The following NAALADL2 variants were observed in gnomAD, a reference collection of about 807,000 sequenced individuals.
The protein encoded by NAALADL2 is N-acetylated alpha-linked acidic dipeptidase like 2.
In NAALADL2, 76 loss-of-function variants were observed where a neutral mutation model predicts 87.2. The observed-to-expected ratio is 0.87, with a 90% CI of 0.72 to 1.05. NAALADL2 has a LOEUF of 1.05. Among genes scored for constraint, NAALADL2 ranks in the 50% least tolerant of loss-of-function variants. The pLI is 0.00. For synonymous variants in NAALADL2, 354 were observed against 331.0 expected (o/e 1.07, Z -0.75); for missense variants, 1,089 against 945.8 (o/e 1.15, Z -1.99).
chr3:175,386,914 C>T (rs992444230), intron 5 of NAALADL2, among the ~76,000 whole-genome samples: 2 of 151,962 alleles, frequency 1.3e-5, no homozygotes, highest in African/African-American at 4.8e-5. Context: ...ATGATGCTGA[C>T]AATTTGGATA....
chr3:175,033,617 A>T (rs1753040275), intron 1 of NAALADL2, among the ~76,000 whole-genome samples: 2 of 152,134 alleles, frequency 1.3e-5, no homozygotes. Flanking sequence ...AACATTTGAC[A>T]CAGGTGGTCT....
chr3:175,331,778 A>G (rs1160857854), intron 5 of NAALADL2, among the ~76,000 whole-genome samples: 1 of 152,154 alleles, frequency 6.6e-6, no homozygotes, highest in African/African-American at 2.4e-5. Flanking sequence ...GAAAGAAATA[A>G]AAAGACATCC....
chr3:175,004,669 C>T (rs1002172170), intron 1 of NAALADL2, among the ~76,000 whole-genome samples: 7 of 152,134 alleles, frequency 4.6e-5, no homozygotes, highest in African/African-American at 7.2e-5. Context: ...AAGTTGTCCA[C>T]GTAAGTGGCT....
chr3:174,908,664 TA>T (rs1255123483), intron 1 of NAALADL2, among the ~76,000 whole-genome samples: 6 of 152,226 alleles, frequency 3.9e-5, no homozygotes, highest in African/African-American at 1.2e-4. Flanking sequence ...GATCTGAAGT[TA>T]ATTTAATAAA....
chr3:175,617,956 C>T (rs2149690126), intron 10 of NAALADL2, among the ~76,000 whole-genome samples: 1 of 152,224 alleles, frequency 6.6e-6, no homozygotes, highest in Middle Eastern at 3.4e-3. Context: ...TCATCGGGGT[C>T]CCATGTAGGG....
chr3:175,482,090 T>G (rs1726563862), intron 9 of NAALADL2, among the ~76,000 whole-genome samples: 1 of 151,948 alleles, frequency 6.6e-6, no homozygotes, highest in Non-Finnish European at 1.5e-5. Context: ...AGTTATTCAC[T>G]TTTCAATAAG....
At chr3:175,722,940 T>C (rs910862066) in intron 11 of NAALADL2, among the ~76,000 whole-genome samples, 3 of 152,096 alleles carry the variant, frequency 2.0e-5, no homozygotes, top group Non-Finnish European at 1.5e-5. Flanking sequence ...CAGTGTAGTG[T>C]TTCTAATTTT....
At chr3:175,591,767 G>GGTGT (rs1277057893) in intron 10 of NAALADL2, among the ~76,000 whole-genome samples, 3,667 of 43,740 alleles carry the variant, frequency 0.084, 111 homozygotes, top group Admixed American at 0.11. Flanking sequence ...ATGCGCATGT[G>GGTGT]GTGTGTGTGT....
intron 5 of NAALADL2, among the ~76,000 whole-genome samples, chr3:175,367,056 C>G (rs1488350434): frequency 1.3e-5 from 2 of 151,130 alleles, no homozygotes; most frequent in Non-Finnish European, 3.0e-5. Flanking sequence ...AGGAAGGGAT[C>G]CAGTTTCAGC....
At chr3:174,492,742 G>T (rs1364109765) in intron 1 of NAALADL2, among the ~76,000 whole-genome samples, 1 of 152,192 alleles carries the variant, frequency 6.6e-6, no homozygotes, top group Non-Finnish European at 1.5e-5. Flanking sequence ...ACTTCCAACA[G>T]TGCTCATTAC....
chr3:175,328,730 A>C (rs914350415), intron 5 of NAALADL2, among the ~76,000 whole-genome samples: 1 of 152,208 alleles, frequency 6.6e-6, no homozygotes, highest in Non-Finnish European at 1.5e-5. Context: ...TTACATATCT[A>C]GTCATAATTA....
chr3:174,936,917 G>A (rs994079815), intron 1 of NAALADL2, among the ~76,000 whole-genome samples: 2 of 152,202 alleles, frequency 1.3e-5, no homozygotes, highest in African/African-American at 4.8e-5. Context: ...TTATGGGGAC[G>A]ATTTCGTGGG....
At chr3:174,586,852 A>G (rs927220826) in intron 2 of NAALADL2, among the ~76,000 whole-genome samples, 1 of 152,008 alleles carries the variant, frequency 6.6e-6, no homozygotes, top group African/African-American at 2.4e-5. Context: ...TTATTATTAT[A>G]CTTTAAGTTA....
intron 3 of NAALADL2, among the ~76,000 whole-genome samples, chr3:174,772,456 G>T (rs1714688387): frequency 1.3e-5 from 2 of 152,214 alleles, no homozygotes; most frequent in African/African-American, 4.8e-5. Context: ...CTTAAAGAAT[G>T]AATTTAAGGA....
At chr3:174,541,074 T>C (rs1025295141) in intron 1 of NAALADL2, among the ~76,000 whole-genome samples, 1 of 152,188 alleles carries the variant, frequency 6.6e-6, no homozygotes, top group Admixed American at 6.5e-5. Flanking sequence ...TTTTCTCACA[T>C]TATTTCCTCT....
chr3:175,556,673 T>C (rs1715326574), intron 9 of NAALADL2, among the ~76,000 whole-genome samples: 1 of 152,286 alleles, frequency 6.6e-6, no homozygotes, highest in South Asian at 2.1e-4. Context: ...GACTCGACTA[T>C]GGGGAATAAA....
intron 13 of NAALADL2, among the ~76,000 whole-genome samples, chr3:175,784,586 TTCTC>T (rs1304931681): frequency 3.5e-5 from 5 of 144,556 alleles, no homozygotes; most frequent in Non-Finnish European, 4.5e-5. Context: ...TATTTGATTC[TTCTC>T]TCTTTTTTTC....
chr3:174,532,201 A>G (rs1200754514), intron 1 of NAALADL2, among the ~76,000 whole-genome samples: 1 of 152,192 alleles, frequency 6.6e-6, no homozygotes, highest in Non-Finnish European at 1.5e-5. Context: ...GAAGGGATGT[A>G]GAGATGAAGT....
intron 2 of NAALADL2, among the ~76,000 whole-genome samples, chr3:174,708,999 C>T (rs1560162152): frequency 6.6e-6 from 1 of 151,966 alleles, no homozygotes; most frequent in Non-Finnish European, 1.5e-5. Flanking sequence ...ACTTCTCAAC[C>T]CAACATGATT....
Sources: allele counts gnomAD v4.1 joint callset (sites outside exome capture counted in the v4.1 genomes callset), GRCh38; gene constraint gnomAD v4.1.1; transcripts MANE v1.5; gene names NCBI Gene and HGNC (gene_info 2026-07-23, HGNC 2026-07-21).